AGBL1: variants seen among roughly 807,000 people sequenced by gnomAD.
The protein encoded by AGBL1 is cytosolic carboxypeptidase 4.
A neutral mutation model predicts 118.9 loss-of-function variants in AGBL1; 130 were observed. That is an observed-to-expected ratio of 1.09 (90% CI 0.95 to 1.26). The LOEUF (loss-of-function observed/expected upper bound fraction) is 1.26. Ranked by LOEUF, AGBL1 falls within the 50% of genes most tolerant of loss-of-function variation. The pLI is 0.00. For missense variants in AGBL1, 1,584 were observed against 1,298.1 expected (o/e 1.22, Z -3.38); for synonymous variants, 555 against 478.9 (o/e 1.16, Z -2.08).
intron 22 of AGBL1, among the ~76,000 whole-genome samples, chr15:86,888,362 G>GA (rs11290498): frequency 1.6e-3 from 199 of 127,112 alleles, no homozygotes; most frequent in East Asian, 3.7e-3. Flanking sequence ...CTCTTCAAAA[G>GA]AAAAAAAAAA....
At chr15:86,364,568 T>C (rs1050422803) in intron 17 of AGBL1, among the ~76,000 whole-genome samples, 4 of 152,120 alleles carry the variant, frequency 2.6e-5, no homozygotes, top group Non-Finnish European at 5.9e-5. Context: ...ACATGTTGTG[T>C]TAGAAAATAT....
At chr15:86,999,101 C>A (rs925986673) in intron 24 of AGBL1, among the ~76,000 whole-genome samples, 12 of 150,928 alleles carry the variant, frequency 8.0e-5, no homozygotes, top group African/African-American at 2.9e-4. Flanking sequence ...TGAGAACATG[C>A]AGTGTTTGTT....
At position 86,833,743 on chromosome 15, in the gene AGBL1, C is replaced by G. The variant is rs147918099; in HGVS notation, c.3159-73344C>G. The stretch of plus-strand genomic sequence containing the variant: ...TCACGAACAGCTGGGACACTATTTT[C>G]TTTGATTGAGAACATGCCCAGAATC... On this transcript the variant is annotated intron_variant, in intron 22 of 22. Coordinates refer to ENST00000614907, the MANE Select transcript of AGBL1 (RefSeq NM_001386094.1). Among the ~76,000 whole-genome samples the G allele has an allele frequency of 1.5e-3, 225 of 152,252 alleles. 2 individuals carry two copies. The highest frequency in any genetic ancestry group is 4.9e-3 in the African/African-American group (205 of 41,546).
chr15:86,220,596 C>A (rs557272140), intron 5 of AGBL1, among the ~76,000 whole-genome samples: 3 of 152,214 alleles, frequency 2.0e-5, no homozygotes, highest in African/African-American at 7.2e-5. Flanking sequence ...TTAGCTTTTT[C>A]TGAAAAGGAG....
chr15:86,158,642 A>G, intron 4 of AGBL1, among the ~76,000 whole-genome samples: 1 of 152,214 alleles, frequency 6.6e-6, no homozygotes, highest in East Asian at 1.9e-4. Context: ...AAATGTTTTG[A>G]TAATCACCCA....
chr15:86,959,089 G>T (rs2080963140), intron 23 of AGBL1, among the ~76,000 whole-genome samples: 1 of 152,086 alleles, frequency 6.6e-6, no homozygotes, highest in Admixed American at 6.6e-5. Context: ...AAAGGATGAT[G>T]TGAGATTTCA....
chr15:86,997,123 A>G (rs1005358508), intron 24 of AGBL1, among the ~76,000 whole-genome samples: 14 of 152,272 alleles, frequency 9.2e-5, no homozygotes, highest in Middle Eastern at 3.4e-3. Context: ...GAATAAACCT[A>G]GTCCCTCATC....
At chr15:86,321,454 C>T (rs1235017668) in intron 17 of AGBL1, among the ~76,000 whole-genome samples, 2 of 151,850 alleles carry the variant, frequency 1.3e-5, no homozygotes, top group Non-Finnish European at 2.9e-5. Context: ...TTTATTCATA[C>T]CTTATTCTTT....
intron 22 of AGBL1, among the ~76,000 whole-genome samples, chr15:86,724,044 G>C (rs367574993): frequency 6.6e-6 from 1 of 152,034 alleles, no homozygotes; most frequent in Non-Finnish European, 1.5e-5. Context: ...GACCATCCTG[G>C]CTAACATGGT....
intron 22 of AGBL1, among the ~76,000 whole-genome samples, chr15:86,741,569 T>A (rs190467519): frequency 2.2e-4 from 34 of 152,040 alleles, no homozygotes; most frequent in African/African-American, 6.0e-4. Flanking sequence ...CTATAAGACA[T>A]CATAGTTCTG....
At chr15:86,857,135 G>A (rs1287123843) in intron 22 of AGBL1, among the ~76,000 whole-genome samples, 1 of 152,104 alleles carries the variant, frequency 6.6e-6, no homozygotes, top group East Asian at 1.9e-4. Context: ...TCCTTCTCCG[G>A]TTTATCCATC....
At chr15:86,526,028 A>G (rs2083257619) in intron 19 of AGBL1, among the ~76,000 whole-genome samples, 2 of 152,204 alleles carry the variant, frequency 1.3e-5, no homozygotes, top group Non-Finnish European at 2.9e-5. Flanking sequence ...GACAAAAAAG[A>G]AATAATGTTA....
chr15:86,947,853 A>G (rs189981010), intron 23 of AGBL1, among the ~76,000 whole-genome samples: 162 of 152,306 alleles, frequency 1.1e-3, no homozygotes, highest in African/African-American at 3.7e-3. Flanking sequence ...TTTTTCCTTT[A>G]GATTTTACAT....
chr15:86,283,655 T>C (rs2079392204), intron 16 of AGBL1, among the ~76,000 whole-genome samples: 1 of 152,272 alleles, frequency 6.6e-6, no homozygotes, highest in Non-Finnish European at 1.5e-5. Flanking sequence ...ATATCGAAGA[T>C]GCAATGAGCA....
chr15:86,327,401 G>A (rs117752468), intron 17 of AGBL1, among the ~76,000 whole-genome samples: 2,834 of 152,306 alleles, frequency 0.019, 45 homozygotes, highest in Non-Finnish European at 0.025. Context: ...CTTTACTTAG[G>A]ATGCTGAAGG....
rs1414808315 is a variant in AGBL1, at chr15:86,329,397, G to A, written c.2374+33989G>A. On this transcript the variant is annotated intron_variant, in intron 17 of 22. Transcript: ENST00000614907. Reference sequence around the variant, plus strand: ...CTCACCAGGATCAGAAGCCTGAGCTGTCTCACCCTTCCTGTGCATAGATTG... The same window carrying A: ...CTCACCAGGATCAGAAGCCTGAGCTATCTCACCCTTCCTGTGCATAGATTG... Among the ~76,000 whole-genome samples, 3 of 151,912 alleles carry A rather than the reference G, an allele frequency of 2.0e-5. No homozygotes were observed. The East Asian group carries it at 5.8e-4, about 29-fold the overall frequency.
rs768443395 is a variant in AGBL1 at position 86,102,466 on chromosome 15, G to A, written c.51+22443G>A. ...GACTCCCTTAAGCATTTCTTGCAGA[G>A]TCAGTCTAGTGGTGATACCTTTTCT... On this transcript the variant is annotated intron_variant, in intron 1 of 22. Transcript: ENST00000614907. 2.0e-5 allele frequency among the ~76,000 whole-genome samples: 3 copies of A among 152,302 alleles called. No homozygotes were observed. The South Asian group carries it at 6.2e-4, about 32-fold the overall frequency.
chr15:86,373,657 C>T (rs1231190688), intron 17 of AGBL1, among the ~76,000 whole-genome samples: 2 of 152,084 alleles, frequency 1.3e-5, no homozygotes, highest in Admixed American at 6.5e-5. Context: ...GTGGGGATAA[C>T]AAGGTCAAGA....
At chr15:86,300,513 C>G (rs1303275995) in intron 17 of AGBL1, among the ~76,000 whole-genome samples, 1 of 152,172 alleles carries the variant, frequency 6.6e-6, no homozygotes, top group Non-Finnish European at 1.5e-5. Flanking sequence ...TGAATAGTCA[C>G]AGGCTGATTC....
Sources: allele counts gnomAD v4.1 joint callset (sites outside exome capture counted in the v4.1 genomes callset), GRCh38; gene constraint gnomAD v4.1.1; transcripts MANE v1.5; gene names NCBI Gene and HGNC (gene_info 2026-07-23, HGNC 2026-07-21).